ERC1: variants seen among roughly 807,000 people sequenced by gnomAD.
ERC1 encodes the protein RAB6 interacting protein 2.
A neutral mutation model predicts 132.0 loss-of-function variants in ERC1; 56 were observed. That is an observed-to-expected ratio of 0.42 (90% confidence interval 0.34 to 0.53). The LOEUF is 0.53. Ranked by LOEUF, ERC1 falls within the 20% of genes least tolerant of loss-of-function variation. The probability of loss-of-function intolerance (pLI) is 0.03; values close to 1 mark genes in which losing one functional copy is unlikely to be tolerated. For synonymous variants in ERC1, 478 were observed against 476.1 expected (o/e 1.00, Z -0.05); for missense variants, 1,202 against 1,349.9 (o/e 0.89, Z 1.72).
intron 7 of ERC1, among the ~76,000 whole-genome samples, chr12:1,121,827 CTCTATCTCTATCTA>C (rs1947272491): frequency 4.9e-5 from 1 of 20,216 alleles, no homozygotes; most frequent in Admixed American, 5.4e-4. Context: ...CTATCTGTGT[CTCTATCTCTATCTA>C]TCTCTATCTC....
chr12:1,391,151 T>C (rs1345221931), intron 16 of ERC1: 2 of 152,284 alleles, frequency 1.3e-5, no homozygotes, highest in Non-Finnish European at 2.9e-5. Context: ...CCTGGACATG[T>C]TGGATGTTAT....
Position 1,059,281 on chromosome 12 carries a change from C to T in ERC1, c.670-23883C>T, listed in dbSNP as rs563347307. On this transcript the variant is annotated intron_variant, in intron 2 of 18. Transcript: ENST00000360905. The stretch of plus-strand genomic sequence containing the variant: ...GATATAAGAACATGTTGTCTGCAAA[C>T]AGGGACATTTGACTGCCTCTTTTGC... Among the ~76,000 whole-genome samples the T allele has an allele frequency of 1.1e-4, 16 of 152,306 alleles. No individual in the cohort carries two copies. The South Asian group carries it at 3.3e-3, about 32-fold the overall frequency.
chr12:1,312,667 T>G (rs1184623740), intron 15 of ERC1, among the ~76,000 whole-genome samples: 1 of 152,132 alleles, frequency 6.6e-6, no homozygotes, highest in Non-Finnish European at 1.5e-5. Context: ...CCAAAGCAGT[T>G]TTTTTTACAT....
At chr12:1,144,803 A>G (rs192895826) in intron 8 of ERC1, among the ~76,000 whole-genome samples, 3 of 152,084 alleles carry the variant, frequency 2.0e-5, no homozygotes. Context: ...TCCTCTGGGT[A>G]GATACCAGTA....
intron 18 of ERC1, among the ~76,000 whole-genome samples, chr12:1,485,331 A>G (rs907052560): frequency 8.8e-5 from 13 of 148,248 alleles, no homozygotes; most frequent in African/African-American, 3.0e-4. Context: ...CAGCCACCCA[A>G]GTAGCTGGGA....
rs944757047 is a variant in ERC1, at chr12:1,137,100, CTTTTTTT to C, written c.1570-4509_1570-4503del. 5.5e-3 allele frequency among the ~76,000 whole-genome samples: 670 copies of C among 122,894 alleles called. 4 individuals carry two copies. Among genetic ancestry groups the C allele is most frequent in the African/African-American group, 0.019 (628 of 32,666 alleles). The allele number at this position is 122,894 out of a possible 152,430, so 80.6% of individuals were successfully genotyped here. ...TTCTTTTTCTTTCTTTTTTTCTTTTCTTTTTTTTTTTTTTTTTGAGACAGAGTCTCAC... is the reference window on the plus strand; with the variant it reads ...TTCTTTTTCTTTCTTTTTTTCTTTTCTTTTTTTTTTGAGACAGAGTCTCAC... On this transcript the variant is annotated intron_variant, in intron 7 of 18. Coordinates refer to ENST00000360905, the MANE Select transcript of ERC1 (RefSeq NM_178040.4).
Position 1,255,621 on chromosome 12 carries a change from C to CTTTTGTTTTTT in ERC1, c.2488-7409_2488-7408insGTTTTTTTTTT, listed in dbSNP as rs1566399460. ...TCTTCAGCATCTGTTGCTTCCTGGC[C>CTTTTGTTTTTT]TTTTTTTTTTTTTTTTTTTTTTTTT... On this transcript the variant is annotated intron_variant, in intron 13 of 18. Coordinates refer to ENST00000360905, the MANE Select transcript of ERC1 (RefSeq NM_178040.4). Among the ~76,000 whole-genome samples, 13 of 61,556 alleles carry CTTTTGTTTTTT rather than the reference C, an allele frequency of 2.1e-4. 1 individual carries two copies. Among genetic ancestry groups the CTTTTGTTTTTT allele is most frequent in the African/African-American group, 6.6e-4 (11 of 16,658 alleles). The allele number at this position is 61,556 out of a possible 152,430, so 40.4% of individuals were successfully genotyped here.
intron 2 of ERC1, among the ~76,000 whole-genome samples, chr12:1,038,906 G>T (rs569944732): frequency 1.3e-5 from 2 of 152,242 alleles, no homozygotes; most frequent in South Asian, 2.1e-4. Context: ...GATTTTCAAA[G>T]AAATATTTGG....
intron 18 of ERC1, among the ~76,000 whole-genome samples, chr12:1,456,165 A>G: frequency 6.6e-6 from 1 of 152,234 alleles, no homozygotes; most frequent in East Asian, 1.9e-4. Context: ...TATAAAGTGA[A>G]CGTGGTGACC....
intron 16 of ERC1, among the ~76,000 whole-genome samples, chr12:1,389,400 C>CT (rs1236879695): frequency 6.6e-6 from 1 of 152,168 alleles, no homozygotes; most frequent in Non-Finnish European, 1.5e-5. Context: ...GTTATACTTA[C>CT]TTTTTACTGT....
At chr12:1,138,952 A>G (rs1476735115) in intron 7 of ERC1, among the ~76,000 whole-genome samples, 1 of 152,182 alleles carries the variant, frequency 6.6e-6, no homozygotes, top group African/African-American at 2.4e-5. Flanking sequence ...ATCTCCTCTG[A>G]GGCCCAGTTT....
At chr12:1,008,961 G>C (rs951984276) in intron 1 of ERC1, among the ~76,000 whole-genome samples, 2 of 152,146 alleles carry the variant, frequency 1.3e-5, no homozygotes, top group African/African-American at 2.4e-5. Flanking sequence ...CTGCTCACTG[G>C]ATGGTTGGAA....
intron 2 of ERC1, among the ~76,000 whole-genome samples, chr12:1,041,232 A>T (rs2154160021): frequency 6.7e-6 from 1 of 149,302 alleles, no homozygotes; most frequent in Non-Finnish European, 1.5e-5. Context: ...TTTGAGACAG[A>T]GCCTTTGCAC....
At chr12:1,319,127 T>C (rs1176931212) in intron 15 of ERC1, among the ~76,000 whole-genome samples, 1 of 152,224 alleles carries the variant, frequency 6.6e-6, no homozygotes, top group Non-Finnish European at 1.5e-5. Context: ...GCTTGCTTTC[T>C]GCTATTTTAT....
chr12:1,186,209 A>C (rs1292380171), intron 11 of ERC1, among the ~76,000 whole-genome samples: 1 of 152,212 alleles, frequency 6.6e-6, no homozygotes, highest in African/African-American at 2.4e-5. Flanking sequence ...AAGGGACTAA[A>C]TATGTTTTGT....
At chr12:1,235,645 T>C (rs994855380) in intron 12 of ERC1, among the ~76,000 whole-genome samples, 3 of 152,208 alleles carry the variant, frequency 2.0e-5, no homozygotes, top group African/African-American at 4.8e-5. Flanking sequence ...TACTATTTTT[T>C]TTCTACCCTA....
chr12:1,208,915 C>T (rs61914329), intron 12 of ERC1, among the ~76,000 whole-genome samples: 11 of 149,458 alleles, frequency 7.4e-5, no homozygotes, highest in Admixed American at 4.0e-4. Context: ...CTTAGCCTCC[C>T]GAGTAGCTGG....
intron 15 of ERC1, among the ~76,000 whole-genome samples, chr12:1,301,530 C>CTAGA (rs967679053): frequency 3.9e-5 from 6 of 152,082 alleles, no homozygotes; most frequent in Admixed American, 2.6e-4. Flanking sequence ...ATGGATGGAG[C>CTAGA]TAGAGGTCAT....
At chr12:1,009,201 GTCTC>G (rs1487962019) in intron 1 of ERC1, among the ~76,000 whole-genome samples, 8 of 150,552 alleles carry the variant, frequency 5.3e-5, no homozygotes, top group Admixed American at 2.0e-4. Context: ...TTGAGACAGA[GTCTC>G]TCTCTGTCGC....
Sources: allele counts gnomAD v4.1 joint callset (sites outside exome capture counted in the v4.1 genomes callset), GRCh38; gene constraint gnomAD v4.1.1; transcripts MANE v1.5; gene names NCBI Gene and HGNC (gene_info 2026-07-23, HGNC 2026-07-21).